PPFIA4: variants seen among roughly 807,000 people sequenced by gnomAD.
The protein encoded by PPFIA4 is PPFI scaffold protein A4.
Under a neutral mutation model 145.7 loss-of-function variants are expected in PPFIA4, and 98 were observed. The ratio of observed to expected loss-of-function variants is 0.67; its 90% CI spans 0.57 to 0.80. The LOEUF is 0.80. Ranked by LOEUF, PPFIA4 falls within the 30% of genes least tolerant of loss-of-function variation. The pLI is 0.00. For missense variants in PPFIA4, 1,457 were observed against 1,632.7 expected (o/e 0.89, Z 1.85); for synonymous variants, 628 against 649.6 (o/e 0.97, Z 0.51).
intron 15 of PPFIA4, among the ~76,000 whole-genome samples, chr1:203,054,436 A>C (rs1345216650): frequency 6.6e-6 from 1 of 152,190 alleles, no homozygotes; most frequent in African/African-American, 2.4e-5. Context: ...ATTCAAACTC[A>C]AGTCTGAACT....
chr1:203,072,885 AG>A (rs1662267438), intron 28 of PPFIA4, among the ~76,000 whole-genome samples: 1 of 151,652 alleles, frequency 6.6e-6, no homozygotes. Context: ...CTAAACTGGC[AG>A]CCCCCCCTCC....
At chr1:203,059,691 A>G in intron 20 of PPFIA4, 79 bp from the exon 21 acceptor site, 1 of 1,243,498 alleles carries the variant, frequency 8.0e-7, no homozygotes, top group East Asian at 2.5e-5. Context: ...CAGCTCTTGC[A>G]CAGCCCAGTG....
At chr1:203,030,235 G>T (rs1388049645) in intron 1 of PPFIA4, among the ~76,000 whole-genome samples, 2 of 152,122 alleles carry the variant, frequency 1.3e-5, no homozygotes, top group South Asian at 2.1e-4. Flanking sequence ...ACACAGGGTG[G>T]GAAGTGGCCT....
intron 7 of PPFIA4, 35 bp downstream of exon 7, chr1:203,045,594 T>A: frequency 1.3e-6 from 2 of 1,524,126 alleles, no homozygotes; most frequent in Non-Finnish European, 1.8e-6. Context: ...TGTGACCTCA[T>A]TGTGGAGCGT....
Position 203,048,706 on chromosome 1 carries a change from G to A in PPFIA4, c.1348G>A (p.Glu450Lys), listed in dbSNP as rs770310414. ...CCTGAAGGAGCGCATGGCTGCCCTGGAGGAGAAGGTGCCCAGAGGGGCGGG... is the reference window on the plus strand; with the variant it reads ...CCTGAAGGAGCGCATGGCTGCCCTGAAGGAGAAGGTGCCCAGAGGGGCGGG... The part of the protein sequence containing the change: ...LHLKERMAAL[E>K]EKNTLIQELE... The change falls in exon 11 of 30, where the codon GAG (glutamate) becomes AAG (lysine). Residue 450 changes from glutamate to lysine, a missense_variant. Around this residue, in one of 3 missense-constraint regions of PPFIA4, gnomAD observed 848 missense variants for 1,046.7 expected, o/e 0.81. Transcript: ENST00000295706. This position sits in a 1 kb window ranked among gnomAD's most constrained non-coding sequence, Gnocchi z 5.8. The A allele has an allele frequency of 9.2e-5, 148 of 1,611,446 alleles. 4 individuals carry two copies. In the South Asian group the frequency reaches 1.5e-3, roughly 17 times the overall value.
In PPFIA4 at chr1:203,056,409, A is replaced by G. The variant is rs1418407429; in HGVS notation, c.2141A>G (p.Lys714Arg). 1.2e-6 allele frequency: 2 copies of G among 1,613,970 alleles called. No individual in the cohort carries two copies. The highest frequency in any genetic ancestry group is 4.5e-5 in the East Asian group (2 of 44,882). ...TCTCGGGAAGAGAACCGAGAGGATA[A>G]AGCCACCATAAAATGTGAGACTTCT... is the stretch of plus-strand genomic sequence containing the variant. ...PVSREENRED[K>R]ATIKCETSPP... The change falls in exon 18 of 30, where the codon AAA (lysine) becomes AGA (arginine). Residue 714 changes from lysine to arginine, a missense_variant. Physicochemically the swap from Lys to Arg is conservative, Grantham distance 26 (BLOSUM62 2). This residue lies in a region of PPFIA4 where 848 missense variants were observed against 1,046.7 expected (regional missense o/e 0.81). Coordinates refer to ENST00000295706, the MANE Select transcript of PPFIA4 (RefSeq NM_001304331.2).
rs761086227 is a variant in PPFIA4 at position 203,048,208 on chromosome 1, G to A, written c.1141-19G>A. On this transcript the variant is annotated intron_variant, in intron 9 of 29. Transcript: ENST00000295706. The surrounding 1 kb of genome is among the most constrained non-coding windows in gnomAD (Gnocchi z 5.8). ...AGAACAGAGATCTGCGGGCTGCACC[G>A]ACCCATCCCTGCCCCTAGGCTGAAG... 1.2e-5 allele frequency: 20 copies of A among 1,611,430 alleles called. No homozygotes were observed. In the East Asian group the frequency reaches 1.3e-4, roughly 11 times the overall value.
rs570730759 is a variant in PPFIA4 at position 203,027,470 on chromosome 1, G to A, written c.-400+841G>A. On this transcript the variant is annotated intron_variant, in intron 1 of 29. Transcript: ENST00000295706. ...ACTAGGAGCTGATGTCACCTTTGAG[G>A]AGAGGTGTGCTGGTAGTTTCCATCA... 2.0e-4 allele frequency among the ~76,000 whole-genome samples: 30 copies of A among 152,300 alleles called. 1 individual carries two copies. Among genetic ancestry groups the A allele is most frequent in the Admixed American group, 1.8e-3 (28 of 15,308 alleles).
intron 12 of PPFIA4, among the ~76,000 whole-genome samples, chr1:203,049,238 C>T (rs750224724): frequency 6.6e-6 from 1 of 152,184 alleles, no homozygotes; most frequent in Non-Finnish European, 1.5e-5. Flanking sequence ...TGAGGGGCTC[C>T]ACCCCAGGAT....
chr1:203,052,007 G>A (rs2102650722), intron 14 of PPFIA4, 130 bp downstream of exon 14: 6 of 1,012,442 alleles, frequency 5.9e-6, no homozygotes, highest in African/African-American at 3.2e-5. Flanking sequence ...GACAGCTGCA[G>A]CCCTGGGGTT....
rs977516555 is a variant in PPFIA4 at position 203,077,910 on chromosome 1, A to G, written c.*1520A>G. 2 of 152,274 alleles carry G rather than the reference A, an allele frequency of 1.3e-5. No homozygotes were observed. The highest frequency in any genetic ancestry group is 4.8e-5 in the African/African-American group (2 of 41,468). 9.4% of individuals were successfully genotyped at this position (152,274 alleles called of 1,614,324 possible). On this transcript the variant is annotated 3_prime_UTR_variant, in exon 30 of 30. Transcript: ENST00000295706. ...CTTGGATAGGGGCCAGTGCAGTGCC[A>G]TCCTACAGGTGGCTGGAGCAGCTGC...
chr1:203,045,748 G>A, intron 7 of PPFIA4, 93 bp from the exon 8 acceptor site: 2 of 1,578,744 alleles, frequency 1.3e-6, no homozygotes, highest in Non-Finnish European at 8.6e-7. Flanking sequence ...CCCCTTAATG[G>A]GTTCCAATCA....
chr1:203,032,503 C>T (rs765806154), intron 1 of PPFIA4, among the ~76,000 whole-genome samples: 3 of 149,424 alleles, frequency 2.0e-5, no homozygotes, highest in Admixed American at 6.9e-5. Flanking sequence ...GTGATCTTGG[C>T]TTACTGCAGC....
At chr1:203,069,248 T>A (rs887606377) in intron 27 of PPFIA4, among the ~76,000 whole-genome samples, 5 of 152,342 alleles carry the variant, frequency 3.3e-5, no homozygotes, top group Admixed American at 6.5e-5. Context: ...CCTATTTATA[T>A]TTTTGGCCTT....
At position 203,039,045 on chromosome 1, in the gene PPFIA4, C is replaced by T. The variant is rs1472613749; in HGVS notation, c.37C>T (p.Arg13Cys). 1 of 1,578,734 alleles carries T rather than the reference C, an allele frequency of 6.3e-7. No individual in the cohort carries two copies. The highest frequency in any genetic ancestry group is 8.6e-7 in the Non-Finnish European group (1 of 1,164,258). ...GATGCCCACAATCAATGAGGGGGAC[C>T]GCCTGGGTCCCCCTCATGGCGCCGA... ...EVMPTINEGDRLGPPHGADAD... is the reference protein window; with the variant it reads ...EVMPTINEGDCLGPPHGADAD... Residue 13 changes from arginine (R) to cysteine (C), a missense_variant, in exon 2 of 30, where the codon CGC becomes TGC. Coordinates refer to ENST00000295706, the MANE Select transcript of PPFIA4 (RefSeq NM_001304331.2).
intron 23 of PPFIA4, chr1:203,061,259 C>A: frequency 1.7e-6 from 1 of 584,524 alleles, no homozygotes; most frequent in Non-Finnish European, 3.0e-6. Context: ...AGGTCACAAG[C>A]TTGCCCTGGG....
chr1:203,071,646 A>T, intron 27 of PPFIA4, 46 bp from the exon 28 acceptor site: 1 of 1,444,546 alleles, frequency 6.9e-7, no homozygotes, highest in Non-Finnish European at 9.7e-7. Context: ...AAGGTAGTTA[A>T]CTATAGCCCT....
In PPFIA4 at chr1:203,067,800, C is replaced by T. The variant is rs192283855; in HGVS notation, c.3148+8C>T. Reference sequence around the variant, plus strand: ...GCCAGCATGAGATCAAGGGTAAGCTCGTCAGGCTTGGAGAGGGTTCGGGAG... The same window carrying T: ...GCCAGCATGAGATCAAGGGTAAGCTTGTCAGGCTTGGAGAGGGTTCGGGAG... On this transcript the variant is annotated splice_region_variant and intron_variant, in intron 26 of 29. Coordinates refer to ENST00000295706, the MANE Select transcript of PPFIA4 (RefSeq NM_001304331.2). The T allele has an allele frequency of 1.7e-3, 2,761 of 1,613,234 alleles. 3 individuals carry two copies. Among genetic ancestry groups the T allele is most frequent in the Non-Finnish European group, 2.1e-3 (2,457 of 1,179,626 alleles).
At position 203,045,526 on chromosome 1, in the gene PPFIA4, G is replaced by A; in HGVS notation, c.825G>A (p.Glu275=). ...TARRDLIKSE[E]LSSKHQRDLR... is the part of the protein sequence containing the mutation. ...GCCGGGACCTCATCAAGTCGGAGGA[G>A]CTGAGCAGCAAGCATCAGCGGGACC... The change falls in exon 7 of 30, where the codon GAG becomes GAA. Residue 275 remains glutamate (E), a synonymous_variant. Transcript: ENST00000295706. 4 of 1,603,592 alleles carry A rather than the reference G, an allele frequency of 2.5e-6. No homozygotes were observed. The highest frequency in any genetic ancestry group is 3.4e-6 in the Non-Finnish European group (4 of 1,175,832).
Sources: gnomAD v4.1 joint callset for allele counts (sites outside exome capture counted in the v4.1 genomes callset) on GRCh38, gnomAD v4.1.1 for gene constraint, gnomAD v4.1.1 regional missense constraint, Gnocchi (gnomAD v3.1) non-coding constraint, MANE v1.5 for transcripts, NCBI Gene and HGNC (gene_info 2026-07-23, HGNC 2026-07-21) for gene names.